The following ALG12 variants were observed in gnomAD, a reference collection of about 807,000 sequenced individuals.
The protein encoded by ALG12 is ALG12 alpha-1,6-mannosyltransferase, also known as dol-P-Man:Man(7)GlcNAc(2)-PP-Dol alpha-1,6-mannosyltransferase.
A neutral mutation model predicts 46.0 loss-of-function variants in ALG12; 36 were observed. The observed-to-expected ratio is 0.78, with a 90% confidence interval of 0.60 to 1.03. The LOEUF is 1.03. ALG12 is among the 50% of genes least tolerant of loss of function. ALG12 has a pLI of 0.00. For missense variants in ALG12, 599 were observed against 633.5 expected, an observed-to-expected ratio of 0.95 and a Z score of 0.58; for synonymous variants, 326 against 291.6, an observed-to-expected ratio of 1.12 and a Z score of -1.20.
the ALG12 span, among the ~76,000 whole-genome samples, chr22:49,869,998 C>T: frequency 6.6e-6 from 1 of 152,104 alleles, no homozygotes; most frequent in Admixed American, 6.6e-5. Context: ...CTCTCGCAGT[C>T]CCAGTGCCTG....
the ALG12 span, chr22:49,884,450 A>G: frequency 6.2e-7 from 1 of 1,614,198 alleles, no homozygotes; most frequent in Non-Finnish European, 8.5e-7. Flanking sequence ...GCTCTCCATT[A>G]CGATGAACCT....
rs780129899 is a variant in ALG12 at position 49,909,837 on chromosome 22, T to G, written c.664+57A>C. 6.8e-6 allele frequency: 11 copies of G among 1,608,844 alleles called. No homozygotes were observed. In the African/African-American group the frequency reaches 8.0e-5, roughly 12 times the overall value. On this transcript the variant is annotated intron_variant, in intron 5 of 9. Transcript: ENST00000330817. ...AAACCTCCCAAATTTCTCTTGACCT[T>G]TGTAAAACAAGGCAAAACAAAATCC...
the ALG12 span, chr22:49,885,455 G>A: frequency 2.5e-6 from 4 of 1,611,918 alleles, no homozygotes; most frequent in Non-Finnish European, 3.4e-6. Context: ...TTGGGTACCA[G>A]CTGTCTTCTG....
intron 3 of ALG12, among the ~76,000 whole-genome samples, chr22:49,912,741 C>T (rs2146612888): frequency 6.6e-6 from 1 of 152,292 alleles, no homozygotes; most frequent in South Asian, 2.1e-4. Flanking sequence ...GTGGCTCATG[C>T]CTGTAATCCC....
At chr22:49,866,096 C>G in the ALG12 span, among the ~76,000 whole-genome samples, 1 of 151,460 alleles carries the variant, frequency 6.6e-6, no homozygotes, top group African/African-American at 2.4e-5. Flanking sequence ...ACAGTTTTTT[C>G]TTTCCAAGTG....
chr22:49,870,950 T>G, the ALG12 span, among the ~76,000 whole-genome samples: 1 of 151,450 alleles, frequency 6.6e-6, no homozygotes, highest in African/African-American at 2.4e-5. Context: ...TAGATTTTTT[T>G]TTTTTTTTGA....
rs764690461 is a variant in ALG12, at chr22:49,910,573, T to A, written c.330A>T (p.Gly110=). The part of the protein sequence containing the change: ...RGVLGLGVIF[G]LWTLQKEVRR... ...TCACTTCCTTTTGTAACGTCCAGAGTCCAAAAATCACGCCGAGTCCAAGCA... is the reference window on the plus strand; with the variant it reads ...TCACTTCCTTTTGTAACGTCCAGAGACCAAAAATCACGCCGAGTCCAAGCA... The change falls in exon 4 of 10, where the codon GGA becomes GGT. Residue 110 remains glycine, a synonymous_variant. Coordinates refer to ENST00000330817, the MANE Select transcript of ALG12 (RefSeq NM_024105.4). 1.9e-6 allele frequency: 3 copies of A among 1,613,784 alleles called. No individual in the cohort carries two copies. The South Asian group carries it at 3.3e-5, about 18-fold the overall frequency.
chr22:49,883,891 G>A, the ALG12 span: 1 of 1,607,304 alleles, frequency 6.2e-7, no homozygotes, highest in South Asian at 1.1e-5. Context: ...GTACTTGTCT[G>A]CAGAGAGTGA....
chr22:49,890,792 A>G, the ALG12 span, among the ~76,000 whole-genome samples: 54,073 of 152,044 alleles, frequency 0.36, 13,758 homozygotes, highest in African/African-American at 0.73. Flanking sequence ...TGAGGTGGGC[A>G]GATCACGAGG....
downstream of ALG12, among the ~76,000 whole-genome samples, chr22:49,897,031 C>A (rs1415277457): frequency 1.3e-5 from 2 of 151,932 alleles, no homozygotes; most frequent in Non-Finnish European, 2.9e-5. Flanking sequence ...TCCCTGCCAG[C>A]CCCGGTCTTT....
chr22:49,903,965 G>A lies in ALG12; in HGVS notation c.1340C>T (p.Thr447Ile). 2 of 1,614,214 alleles carry A rather than the reference G, an allele frequency of 1.2e-6. No individual in the cohort carries two copies. The change falls in exon 10 of 10, where the codon ACA (threonine) becomes ATA (isoleucine). Residue 447 changes from threonine to isoleucine, a missense_variant. Transcript: ENST00000330817. ...APGLLALYRDTHRVLASVVGT... is the reference protein window; with the variant it reads ...APGLLALYRDIHRVLASVVGT... The stretch of plus-strand genomic sequence containing the variant: ...CACGACGCTGGCCAGGACCCGGTGT[G>A]TGTCCCTGTAGAGGGCCAGGAGCCC...
intron 6 of ALG12, 96 bp downstream of exon 6, chr22:49,909,148 G>A: frequency 1.6e-6 from 2 of 1,287,652 alleles, no homozygotes; most frequent in Admixed American, 3.4e-5. Flanking sequence ...ACGCTGCAGA[G>A]AAGGGAGAAG....
At chr22:49,910,352 A>T in intron 4 of ALG12, 82 bp downstream of exon 4, 1 of 1,531,082 alleles carries the variant, frequency 6.5e-7, no homozygotes, top group Non-Finnish European at 8.9e-7. Flanking sequence ...CGGGGGAGGC[A>T]CTGCCATCAG....
the ALG12 span, among the ~76,000 whole-genome samples, chr22:49,870,435 C>G: frequency 6.6e-6 from 1 of 152,176 alleles, no homozygotes; most frequent in Non-Finnish European, 1.5e-5. Context: ...TCATTGACAT[C>G]CCTGCCAGCA....
chr22:49,886,591 G>A, the ALG12 span: 1 of 1,558,180 alleles, frequency 6.4e-7, no homozygotes, highest in Non-Finnish European at 8.7e-7. This position sits in a 1 kb window ranked among gnomAD's most constrained non-coding sequence, Gnocchi z 7.7. Flanking sequence ...GGAGACGATG[G>A]GCATCGACAC....
chr22:49,861,102 G>A, the ALG12 span, among the ~76,000 whole-genome samples: 3 of 152,070 alleles, frequency 2.0e-5, no homozygotes, highest in African/African-American at 7.2e-5. Context: ...CTTCTGCTAC[G>A]TCCTGTAAAA....
downstream of ALG12, among the ~76,000 whole-genome samples, chr22:49,895,611 C>A (rs1281709261): frequency 6.6e-6 from 1 of 150,890 alleles, no homozygotes; most frequent in Non-Finnish European, 1.5e-5. Flanking sequence ...GAGGTCGCAC[C>A]ATTGCACTCC....
the ALG12 span, among the ~76,000 whole-genome samples, chr22:49,868,108 A>G: frequency 1.3e-5 from 2 of 152,330 alleles, no homozygotes; most frequent in Middle Eastern, 6.8e-3. Flanking sequence ...CCACTTACCC[A>G]TATTCATGGT....
At chr22:49,914,721 A>G (rs1426136356) in intron 1 of ALG12, among the ~76,000 whole-genome samples, 3 of 152,234 alleles carry the variant, frequency 2.0e-5, no homozygotes, top group Non-Finnish European at 4.4e-5. Context: ...AGGGCTTACC[A>G]TTTATTAAAA....
Sources: gnomAD v4.1 joint callset for allele counts (sites outside exome capture counted in the v4.1 genomes callset) on GRCh38, gnomAD v4.1.1 for gene constraint, Gnocchi (gnomAD v3.1) non-coding constraint, MANE v1.5 for transcripts, NCBI Gene and HGNC (gene_info 2026-07-23, HGNC 2026-07-21) for gene names.